The following AGL variants were observed in gnomAD, a reference collection of about 807,000 sequenced individuals.
AGL encodes amylo-alpha-1,6-glucosidase and 4-alpha-glucanotransferase.
AGL carries 128 observed loss-of-function variants against 199.3 expected under a neutral mutation model. That is an observed-to-expected ratio of 0.64 (90% CI 0.56 to 0.74). The LOEUF is 0.74. AGL is among the 30% of genes least tolerant of loss of function. The probability of loss-of-function intolerance (pLI) is 0.00; values close to 1 mark genes in which losing one functional copy is unlikely to be tolerated. For missense variants in AGL, 1,809 were observed against 1,820.8 expected (o/e 0.99, Z 0.12); for synonymous variants, 584 against 594.7 (o/e 0.98, Z 0.26).
chr1:99,892,668 A>G lies in AGL; in HGVS notation c.3259+61A>G, dbSNP rs1652999713. On this transcript the variant is annotated intron_variant, in intron 24 of 33. Coordinates refer to ENST00000361915, the MANE Select transcript of AGL (RefSeq NM_000642.3). ...CGATAGTATTCGCGGAAGAAAAGTTATAGGAAAATGATTATTTTTTAAAAG... is the reference window on the plus strand; with the variant it reads ...CGATAGTATTCGCGGAAGAAAAGTTGTAGGAAAATGATTATTTTTTAAAAG... The G allele has an allele frequency of 1.1e-5, 17 of 1,520,116 alleles. No homozygotes were observed. The Admixed American group carries it at 1.5e-4, about 14-fold the overall frequency. 94.2% of individuals were successfully genotyped at this position (1,520,116 alleles called of 1,614,324 possible).
chr1:99,851,156 T>TG (rs1648921154), intron 2 of AGL, 32 bp downstream of exon 2: 1 of 1,568,930 alleles, frequency 6.4e-7, no homozygotes, highest in Admixed American at 1.7e-5. Context: ...TTTGCTCATT[T>TG]GCGTCTTTTA....
At chr1:99,900,386 A>G (rs1653730385) in intron 25 of AGL, among the ~76,000 whole-genome samples, 1 of 152,206 alleles carries the variant, frequency 6.6e-6, no homozygotes, top group Admixed American at 6.5e-5. Context: ...TCCAATCTCA[A>G]ATGAAAAAAC....
At chr1:99,875,025 ACAT>A in intron 8 of AGL, 126 bp from the exon 9 acceptor site, 3 of 1,044,234 alleles carry the variant, frequency 2.9e-6, no homozygotes, top group Non-Finnish European at 4.2e-6. Context: ...CAATTGGAAA[ACAT>A]CATCAGCCAT....
intron 20 of AGL, 106 bp from the exon 21 acceptor site, chr1:99,887,872 A>G: frequency 7.7e-7 from 1 of 1,301,708 alleles, no homozygotes; most frequent in Non-Finnish European, 1.1e-6. Context: ...CCTAAAACAT[A>G]CACTGCTAAG....
chr1:99,916,284 G>A (rs1655105311), intron 31 of AGL, 126 bp from the exon 32 acceptor site: 3 of 751,516 alleles, frequency 4.0e-6, no homozygotes, highest in East Asian at 5.4e-5. Context: ...TACTAATGCC[G>A]AGCTTATTCT....
At chr1:99,891,973 G>A (rs2100790991) in intron 23 of AGL, among the ~76,000 whole-genome samples, 1 of 152,174 alleles carries the variant, frequency 6.6e-6, no homozygotes, top group Non-Finnish European at 1.5e-5. Flanking sequence ...TAAGAATATT[G>A]TTTTATATTG....
rs1570444178 is a variant in AGL, at chr1:99,881,062, T to C, written c.1900-14T>C. 1.2e-6 allele frequency: 2 copies of C among 1,606,420 alleles called. No homozygotes were observed. The highest frequency in any genetic ancestry group is 1.3e-5 in the African/African-American group (1 of 74,894). ...AAGAAAGCAAACTTTTGCTTTGTTGTTGTTGTCTTCTAGCATAGATCAGCG... is the reference window on the plus strand; with the variant it reads ...AAGAAAGCAAACTTTTGCTTTGTTGCTGTTGTCTTCTAGCATAGATCAGCG... On this transcript the variant is annotated splice_polypyrimidine_tract_variant and intron_variant, in intron 14 of 33. Transcript: ENST00000361915.
chr1:99,901,158 G>A (rs1240311490), intron 26 of AGL, among the ~76,000 whole-genome samples: 2 of 152,002 alleles, frequency 1.3e-5, no homozygotes, highest in East Asian at 3.9e-4. Context: ...AGGTCTCAGG[G>A]AGAACGTTAG....
At chr1:99,870,897 A>G (rs777864232) in intron 7 of AGL, 28 bp downstream of exon 7, 5 of 1,342,676 alleles carry the variant, frequency 3.7e-6, no homozygotes, top group Admixed American at 1.7e-5. Context: ...GAATGTTCCT[A>G]TCGATTTTAA....
Position 99,853,058 on chromosome 1 carries a change from C to G in AGL, c.82+1934C>G, listed in dbSNP as rs1341640355. 2.6e-5 allele frequency among the ~76,000 whole-genome samples: 4 copies of G among 152,124 alleles called. No individual in the cohort carries two copies. In the East Asian group the frequency reaches 7.7e-4, roughly 29 times the overall value. ...GATTTCTTCTCTTTTCCTGCAGTCT[C>G]TTTTTAAGCTTGCAGTTTCTTTCCA... is the stretch of plus-strand genomic sequence containing the variant. On this transcript the variant is annotated intron_variant, in intron 2 of 33. Coordinates refer to ENST00000361915, the MANE Select transcript of AGL (RefSeq NM_000642.3).
chr1:99,912,593 A>C (rs866959631), intron 29 of AGL, 76 bp downstream of exon 29: 1 of 1,072,814 alleles, frequency 9.3e-7, no homozygotes, highest in Middle Eastern at 2.1e-4. Context: ...TCATCATTTG[A>C]TTCTATCAGC....
chr1:99,888,235 T>A, intron 21 of AGL, 127 bp downstream of exon 21: 1 of 1,208,604 alleles, frequency 8.3e-7, no homozygotes, highest in Admixed American at 2.0e-5. Flanking sequence ...CTGCTTCTGC[T>A]CATTAATTGA....
chr1:99,876,587 T>C lies in AGL; in HGVS notation c.1413T>C (p.Phe471=), dbSNP rs2101132549. The change falls in exon 11 of 34, where the codon TTT becomes TTC. Residue 471 remains phenylalanine (F), a synonymous_variant. Transcript: ENST00000361915. ...WVMGDDPLRN[F]AEPGSEVYLR... ...TGGGAGATGATCCTCTTCGAAACTT[T>C]GCTGAACCGGGTATGTAATTTTTAA... 1.9e-6 allele frequency: 3 copies of C among 1,614,064 alleles called. No homozygotes were observed. The highest frequency in any genetic ancestry group is 1.1e-5 in the South Asian group (1 of 91,076).
At chr1:99,882,659 C>T (rs981093842) in intron 17 of AGL, among the ~76,000 whole-genome samples, 1 of 152,016 alleles carries the variant, frequency 6.6e-6, no homozygotes, top group Admixed American at 6.6e-5. Context: ...AAAATACATC[C>T]CTGAGATATG....
chr1:99,856,318 CCCTTCCTT>C (rs749592877), intron 2 of AGL, among the ~76,000 whole-genome samples: 623 of 49,532 alleles, frequency 0.013, 17 homozygotes, highest in African/African-American at 0.052. Flanking sequence ...CTCCCTCCCT[CCCTTCCTT>C]CCTCCCTCCC....
rs75076115 is a variant in AGL, at chr1:99,916,700, G to A, written c.4450G>A (p.Val1484Ile). The change falls in exon 33 of 34, where the codon GTT becomes ATT. Residue 1484 changes from valine (V) to isoleucine (I), a missense_variant. Val to Ile is a conservative substitution (Grantham distance 29). Transcript: ENST00000361915. ...AAAGACTATAGTTTTGGTTAAAAATGTTCTTTCCCGACATTATGTTCATCT... is the reference window on the plus strand; with the variant it reads ...AAAGACTATAGTTTTGGTTAAAAATATTCTTTCCCGACATTATGTTCATCT... ...TAKTIVLVKN[V>I]LSRHYVHLER... The A allele has an allele frequency of 4.2e-5, 67 of 1,613,260 alleles. No individual in the cohort carries two copies. The African/African-American group carries it at 8.7e-4, about 21-fold the overall frequency.
chr1:99,878,177 C>CT (rs1275898337), intron 12 of AGL, among the ~76,000 whole-genome samples: 1 of 151,874 alleles, frequency 6.6e-6, no homozygotes, highest in Non-Finnish European at 1.5e-5. Flanking sequence ...TTAGAAGTGA[C>CT]TGTGAAGGTG....
rs2100779074 is a variant in AGL at position 99,888,064 on chromosome 1, A to G, written c.2768A>G (p.Tyr923Cys). Residue 923 changes from tyrosine (Y) to cysteine (C), a missense_variant, in exon 21 of 34, where the codon TAT (tyrosine) becomes TGT (cysteine). Physicochemically the swap from Tyr to Cys is radical, Grantham distance 194 (BLOSUM62 -2). Coordinates refer to ENST00000361915, the MANE Select transcript of AGL (RefSeq NM_000642.3). ...GAAAAGGAAGATGGTGGAGGGTGCT[A>G]TGACATACCAAACTGGTCAGCCCTT... ...SEEKEDGGGCYDIPNWSALKY... is the reference protein window; with the variant it reads ...SEEKEDGGGCCDIPNWSALKY... The G allele has an allele frequency of 1.2e-6, 2 of 1,613,554 alleles. No homozygotes were observed. Among genetic ancestry groups the G allele is most frequent in the South Asian group, 1.1e-5 (1 of 91,072 alleles).
At chr1:99,890,925 T>G (rs890532969) in intron 21 of AGL, among the ~76,000 whole-genome samples, 9 of 152,130 alleles carry the variant, frequency 5.9e-5, no homozygotes, top group Non-Finnish European at 7.4e-5. Context: ...ATTATAACAT[T>G]AAAATCCAAA....
Sources: gnomAD v4.1 joint callset for allele counts (sites outside exome capture counted in the v4.1 genomes callset) on GRCh38, gnomAD v4.1.1 for gene constraint, MANE v1.5 for transcripts, NCBI Gene and HGNC (gene_info 2026-07-23, HGNC 2026-07-21) for gene names.